PCSK5: variants seen among roughly 807,000 people sequenced by gnomAD.
PCSK5 encodes the protein prohormone convertase 5.
A neutral mutation model predicts 233.2 loss-of-function variants in PCSK5; 129 were observed. The ratio of observed to expected loss-of-function variants is 0.55; its 90% CI spans 0.48 to 0.64. The LOEUF is 0.64. PCSK5 is among the 30% of genes least tolerant of loss of function. The pLI, the probability that PCSK5 is intolerant of heterozygous loss-of-function variation, is 0.00. For missense variants in PCSK5, 2,076 were observed against 2,430.1 expected (o/e 0.85, Z 3.06); for synonymous variants, 825 against 879.2 (o/e 0.94, Z 1.09).
At chr9:76,346,480 C>T (rs1829984853) in intron 35 of PCSK5, among the ~76,000 whole-genome samples, 1 of 152,146 alleles carries the variant, frequency 6.6e-6, no homozygotes, top group Non-Finnish European at 1.5e-5. Flanking sequence ...GTACTTCTTC[C>T]TCCTGTATTT....
chr9:76,061,128 T>C (rs767957053), intron 5 of PCSK5, among the ~76,000 whole-genome samples: 14 of 152,106 alleles, frequency 9.2e-5, no homozygotes, highest in Non-Finnish European at 1.3e-4. Flanking sequence ...TAAAACAAAA[T>C]TCATAAAACT....
chr9:76,152,376 G>A (rs558358606), intron 10 of PCSK5, among the ~76,000 whole-genome samples: 26 of 152,320 alleles, frequency 1.7e-4, no homozygotes, highest in South Asian at 1.2e-3. Flanking sequence ...GTAATGGATA[G>A]TGGTTACTAA....
chr9:76,204,625 T>C (rs762118779), intron 20 of PCSK5, among the ~76,000 whole-genome samples: 1 of 152,140 alleles, frequency 6.6e-6, no homozygotes, highest in Non-Finnish European at 1.5e-5. Flanking sequence ...TGTTTGTTCT[T>C]ATTTGTTGGA....
At chr9:76,289,657 A>C (rs1263692051) in intron 24 of PCSK5, among the ~76,000 whole-genome samples, 1 of 151,932 alleles carries the variant, frequency 6.6e-6, no homozygotes, top group African/African-American at 2.4e-5. Context: ...CTTCTTCCTT[A>C]ATCTCATAAC....
At chr9:76,303,741 G>A (rs956950925) in intron 28 of PCSK5, among the ~76,000 whole-genome samples, 1 of 152,160 alleles carries the variant, frequency 6.6e-6, no homozygotes, top group Non-Finnish European at 1.5e-5. Flanking sequence ...GGACAGAATC[G>A]GTTACTTTGA....
chr9:75,897,664 T>C (rs1044912461), intron 1 of PCSK5, among the ~76,000 whole-genome samples: 4 of 152,000 alleles, frequency 2.6e-5, no homozygotes, highest in Admixed American at 6.5e-5. Flanking sequence ...TGGCTAATTT[T>C]TGTATTTTTA....
At position 76,354,077 on chromosome 9, in the gene PCSK5, ATGCAAGGGACCAGGGGCCAAGAAC is replaced by A; in HGVS notation, c.5117_5140del (p.Lys1706_Cys1713del). On this transcript the variant is annotated inframe_deletion, in exon 37 of 38. Coordinates refer to ENST00000674117, the MANE Select transcript of PCSK5 (RefSeq NM_001372043.1). ...AAAAATGCCACGAGAGCTGCATGGAATGCAAGGGACCAGGGGCCAAGAACTGCACCTTGTGCCCTGCCAACCTGG... is the reference window on the plus strand; with the variant it reads ...AAAAATGCCACGAGAGCTGCATGGAATGCACCTTGTGCCCTGCCAACCTGG... 6.2e-7 allele frequency: 1 copy of A among 1,610,072 alleles called. No homozygotes were observed. The highest frequency in any genetic ancestry group is 8.5e-7 in the Non-Finnish European group (1 of 1,178,780).
At position 75,908,941 on chromosome 9, in the gene PCSK5, G is replaced by GTCTGTCTATCTA. The variant is rs1412497396; in HGVS notation, c.192+17571_192+17572insGTCTATCTATCT. Among the ~76,000 whole-genome samples, 534 of 116,640 alleles carry GTCTGTCTATCTA rather than the reference G, an allele frequency of 4.6e-3. 4 individuals carry two copies. The highest frequency in any genetic ancestry group is 5.5e-3 in the Non-Finnish European group (297 of 53,810). 76.5% of individuals were successfully genotyped at this position (116,640 alleles called of 152,430 possible). The stretch of plus-strand genomic sequence containing the variant: ...TATCTATCTCTCTATCTCTCTCTCT[G>GTCTGTCTATCTA]TCTATCTATCTATCTATCTATCTAT... On this transcript the variant is annotated intron_variant, in intron 1 of 37. Transcript: ENST00000674117.
intron 28 of PCSK5, among the ~76,000 whole-genome samples, chr9:76,302,484 C>A (rs959704521): frequency 6.6e-6 from 1 of 152,042 alleles, no homozygotes; most frequent in African/African-American, 2.4e-5. Context: ...TCATGGCTGG[C>A]AGAGGCTATC....
At chr9:75,933,089 G>C (rs1487822904) in intron 2 of PCSK5, among the ~76,000 whole-genome samples, 2 of 152,150 alleles carry the variant, frequency 1.3e-5, no homozygotes, top group African/African-American at 2.4e-5. Context: ...ACCCCTGGGA[G>C]AGCCTAGAAG....
chr9:76,074,563 A>G (rs1830580199), intron 7 of PCSK5, among the ~76,000 whole-genome samples: 1 of 152,192 alleles, frequency 6.6e-6, no homozygotes, highest in African/African-American at 2.4e-5. Context: ...TCGTGTTTTC[A>G]TGTGTTTAAT....
chr9:75,917,324 G>A (rs960448655), intron 1 of PCSK5, among the ~76,000 whole-genome samples: 1 of 152,188 alleles, frequency 6.6e-6, no homozygotes, highest in African/African-American at 2.4e-5. Context: ...GGGCAATCAC[G>A]TATGATGCTG....
Position 76,071,749 on chromosome 9 carries a change from G to A in PCSK5, c.745G>A (p.Val249Ile). The change falls in exon 7 of 38, where the codon GTC becomes ATC. Residue 249 changes from valine to isoleucine, a missense_variant. By Grantham distance (29) the Val-to-Ile change is conservative. Around this residue, in one of 6 missense-constraint regions of PCSK5, gnomAD observed 178 missense variants for 393.6 expected, o/e 0.45. Coordinates refer to ENST00000674117, the MANE Select transcript of PCSK5 (RefSeq NM_001372043.1). ...AGGAGTGCGAATGCTGGACGGAGAT[G>A]TCACGGACATGGTTGAAGCAAAATC... ...IGGVRMLDGD[V>I]TDMVEAKSVS... 1 of 1,613,888 alleles carries A rather than the reference G, an allele frequency of 6.2e-7. No homozygotes were observed. The highest frequency in any genetic ancestry group is 8.5e-7 in the Non-Finnish European group (1 of 1,179,880).
At chr9:76,228,552 A>T (rs1215797554) in intron 21 of PCSK5, among the ~76,000 whole-genome samples, 1 of 152,264 alleles carries the variant, frequency 6.6e-6, no homozygotes, top group Non-Finnish European at 1.5e-5. Flanking sequence ...ATGAGGGAAT[A>T]GCAAGTATGC....
chr9:76,168,093 T>C (rs1823163310), intron 12 of PCSK5, among the ~76,000 whole-genome samples: 1 of 152,240 alleles, frequency 6.6e-6, no homozygotes, highest in Non-Finnish European at 1.5e-5. Flanking sequence ...AGAAAATGTC[T>C]TCTGTATCTT....
At chr9:75,968,689 T>A (rs1218416034) in intron 2 of PCSK5, among the ~76,000 whole-genome samples, 1 of 152,144 alleles carries the variant, frequency 6.6e-6, no homozygotes, top group Non-Finnish European at 1.5e-5. Flanking sequence ...CAGGGGATTA[T>A]TAGGGATTTC....
intron 32 of PCSK5, among the ~76,000 whole-genome samples, chr9:76,325,536 A>G (rs1829334219): frequency 6.6e-6 from 1 of 152,216 alleles, no homozygotes; most frequent in African/African-American, 2.4e-5. Flanking sequence ...TTTTCTGAGA[A>G]GGAAACAGAT....
intron 20 of PCSK5, among the ~76,000 whole-genome samples, chr9:76,225,108 A>G (rs1825846528): frequency 6.6e-6 from 1 of 152,206 alleles, no homozygotes; most frequent in Admixed American, 6.5e-5. Context: ...TGGGTCTAGC[A>G]GAGTCCTGTG....
chr9:76,157,642 C>T (rs2131814607), intron 11 of PCSK5, among the ~76,000 whole-genome samples: 1 of 152,002 alleles, frequency 6.6e-6, no homozygotes, highest in South Asian at 2.1e-4. Flanking sequence ...AGGATTCTAT[C>T]TTAGTAGGCT....
Sources: gnomAD v4.1 joint callset for allele counts (sites outside exome capture counted in the v4.1 genomes callset) on GRCh38, gnomAD v4.1.1 for gene constraint, gnomAD v4.1.1 regional missense constraint, MANE v1.5 for transcripts, NCBI Gene and HGNC (gene_info 2026-07-23, HGNC 2026-07-21) for gene names.